SCUBE1: variants seen among roughly 807,000 people sequenced by gnomAD.
SCUBE1 encodes the protein signal peptide, CUB and EGF-like domain-containing protein 1.
A neutral mutation model predicts 124.4 loss-of-function variants in SCUBE1; 59 were observed. The observed-to-expected ratio is 0.47, with a 90% CI of 0.38 to 0.59. The LOEUF (loss-of-function observed/expected upper bound fraction) is 0.59, where lower values mean the gene tolerates loss of function less well. SCUBE1 is among the 20% of genes least tolerant of loss of function. The probability of loss-of-function intolerance (pLI) is 0.00; values close to 1 mark genes in which losing one functional copy is unlikely to be tolerated. For synonymous variants in SCUBE1, 545 were observed against 550.9 expected (o/e 0.99, Z 0.15); for missense variants, 1,150 against 1,371.2 (o/e 0.84, Z 2.55).
intron 6 of SCUBE1, among the ~76,000 whole-genome samples, chr22:43,246,014 G>C (rs545198843): frequency 7.4e-4 from 113 of 152,312 alleles, no homozygotes; most frequent in Admixed American, 2.1e-3. Flanking sequence ...GGGGCTGCAG[G>C]GAGGCCTGAG....
At chr22:43,237,102 T>TG (rs1922799068) in intron 7 of SCUBE1, among the ~76,000 whole-genome samples, 2 of 16,832 alleles carry the variant, frequency 1.2e-4, no homozygotes, top group African/African-American at 1.8e-4. Context: ...GGAAATGTGG[T>TG]GGGGTGGGGG....
intron 4 of SCUBE1, chr22:43,283,922 G>A (rs1274839982): frequency 6.6e-6 from 1 of 152,242 alleles, no homozygotes; most frequent in Non-Finnish European, 1.5e-5. Context: ...TCAAGCATGG[G>A]TTTTATAAGC....
intron 3 of SCUBE1, among the ~76,000 whole-genome samples, chr22:43,304,924 G>A (rs1925910910): frequency 6.6e-6 from 1 of 152,270 alleles, no homozygotes; most frequent in South Asian, 2.1e-4. Flanking sequence ...CACATGGCCT[G>A]GGAGCTCCCT....
intron 12 of SCUBE1, among the ~76,000 whole-genome samples, chr22:43,221,553 G>A (rs999202032): frequency 1.3e-5 from 2 of 152,154 alleles, no homozygotes; most frequent in African/African-American, 2.4e-5. Context: ...CTGAGAAGGA[G>A]GACAGGGATC....
intron 2 of SCUBE1, among the ~76,000 whole-genome samples, chr22:43,334,579 C>T (rs1927003356): frequency 6.6e-6 from 1 of 151,650 alleles, no homozygotes; most frequent in Non-Finnish European, 1.5e-5. Context: ...CATCATCACC[C>T]TCATCAACAG....
At chr22:43,277,416 A>G (rs1924574099) in intron 4 of SCUBE1, among the ~76,000 whole-genome samples, 2 of 152,162 alleles carry the variant, frequency 1.3e-5, no homozygotes, top group Non-Finnish European at 2.9e-5. Context: ...TGCCGCACTA[A>G]CTCAGGCAAA....
chr22:43,305,459 A>C (rs1187424563), intron 3 of SCUBE1, among the ~76,000 whole-genome samples: 4 of 152,124 alleles, frequency 2.6e-5, no homozygotes, highest in African/African-American at 9.7e-5. Context: ...GCTGGGGAAG[A>C]GGCTCAGGCG....
chr22:43,341,149 G>T (rs1020655322), intron 1 of SCUBE1, among the ~76,000 whole-genome samples: 4 of 152,214 alleles, frequency 2.6e-5, no homozygotes, highest in Admixed American at 2.0e-4. Context: ...TGCTTTCCGG[G>T]GGGGGCTACC....
At chr22:43,219,979 T>C (rs1376994340) in intron 14 of SCUBE1, among the ~76,000 whole-genome samples, 2 of 152,210 alleles carry the variant, frequency 1.3e-5, no homozygotes, top group Non-Finnish European at 1.5e-5. Flanking sequence ...ACCACACTTA[T>C]CTGCTGACAG....
intron 4 of SCUBE1, among the ~76,000 whole-genome samples, chr22:43,274,764 A>G (rs1365646878): frequency 6.6e-6 from 1 of 152,242 alleles, no homozygotes; most frequent in Non-Finnish European, 1.5e-5. Flanking sequence ...TGCCGCAGAA[A>G]GGAGCAGGGG....
intron 3 of SCUBE1, among the ~76,000 whole-genome samples, chr22:43,294,576 A>T (rs1416112889): frequency 6.6e-6 from 1 of 152,174 alleles, no homozygotes; most frequent in East Asian, 1.9e-4. Flanking sequence ...GAAAAGGGGA[A>T]CCCACACCTG....
chr22:43,339,054 G>C (rs1927178384), intron 2 of SCUBE1, 50 bp downstream of exon 2: 1 of 1,607,282 alleles, frequency 6.2e-7, no homozygotes. Context: ...GCCACCTACA[G>C]CAGCCCTGGC....
At chr22:43,330,836 C>A (rs900221256) in intron 2 of SCUBE1, among the ~76,000 whole-genome samples, 6 of 152,226 alleles carry the variant, frequency 3.9e-5, no homozygotes, top group African/African-American at 1.2e-4. Flanking sequence ...TATCCAATTT[C>A]TTCCTTCCTG....
Position 43,255,550 on chromosome 22 carries a change from G to C in SCUBE1, c.727+2669C>G, listed in dbSNP as rs1923625136. 2 of 1,550,464 alleles carry C rather than the reference G, an allele frequency of 1.3e-6. No homozygotes were observed. Among genetic ancestry groups the C allele is most frequent in the African/African-American group, 1.4e-5 (1 of 73,046 alleles). On this transcript the variant is annotated intron_variant, in intron 6 of 21. Transcript: ENST00000360835. The surrounding 1 kb of genome is among the most constrained non-coding windows in gnomAD (Gnocchi z 4.7). ...AGCTACTGACGTGGCATTGAACTGA[G>C]AGCGCTCAATTGCAGCCTCATCCTT...
intron 6 of SCUBE1, among the ~76,000 whole-genome samples, chr22:43,246,746 T>C (rs938986258): frequency 2.0e-5 from 3 of 152,214 alleles, no homozygotes; most frequent in Non-Finnish European, 4.4e-5. Context: ...GCCCCGGAGA[T>C]GTGGCTGAGG....
At chr22:43,302,879 G>A (rs544887724) in intron 3 of SCUBE1, among the ~76,000 whole-genome samples, 10 of 152,224 alleles carry the variant, frequency 6.6e-5, no homozygotes, top group East Asian at 1.9e-4. Flanking sequence ...TTAATGAAGC[G>A]CCTCTGCGCC....
At chr22:43,322,013 C>A (rs1926571768) in intron 2 of SCUBE1, among the ~76,000 whole-genome samples, 1 of 152,044 alleles carries the variant, frequency 6.6e-6, no homozygotes, top group Non-Finnish European at 1.5e-5. Context: ...TTGTCAGTGT[C>A]TCCCTCTGTC....
At position 43,211,614 on chromosome 22, in the gene SCUBE1, T is replaced by G. The variant is rs1921561222; in HGVS notation, c.2222-531A>C. 6.6e-6 allele frequency among the ~76,000 whole-genome samples: 1 copy of G among 151,614 alleles called. No individual in the cohort carries two copies. The highest frequency in any genetic ancestry group is 2.1e-4 in the South Asian group (1 of 4,794). ...TCACTGCAACCTCCACCTCCTGGGTTCAAGCGATCCTCCCCTCCCAGTCTC... is the reference window on the plus strand; with the variant it reads ...TCACTGCAACCTCCACCTCCTGGGTGCAAGCGATCCTCCCCTCCCAGTCTC... On this transcript the variant is annotated intron_variant, in intron 17 of 21. Transcript: ENST00000360835. This position sits in a 1 kb window ranked among gnomAD's most constrained non-coding sequence, Gnocchi z 4.5.
At chr22:43,328,769 C>T (rs923162567) in intron 2 of SCUBE1, among the ~76,000 whole-genome samples, 1 of 152,134 alleles carries the variant, frequency 6.6e-6, no homozygotes, top group Non-Finnish European at 1.5e-5. Context: ...GGTGGACTTC[C>T]TCTCCATTGT....
Sources: allele counts gnomAD v4.1 joint callset (sites outside exome capture counted in the v4.1 genomes callset), GRCh38; gene constraint gnomAD v4.1.1; non-coding constraint Gnocchi (gnomAD v3.1); transcripts MANE v1.5; gene names NCBI Gene and HGNC (gene_info 2026-07-23, HGNC 2026-07-21).